Variants in TMEM117 observed in about 807,000 individuals in gnomAD.
The protein encoded by TMEM117 is transmembrane protein 117.
A neutral mutation model predicts 52.4 loss-of-function variants in TMEM117; 27 were observed. That is an observed-to-expected ratio of 0.51 (90% CI 0.38 to 0.71). The LOEUF (loss-of-function observed/expected upper bound fraction) is 0.71, where lower values mean the gene tolerates loss of function less well. Among genes scored for constraint, TMEM117 ranks in the 30% least tolerant of loss-of-function variants. The pLI, the probability that TMEM117 is intolerant of heterozygous loss-of-function variation, is 0.00. For missense variants in TMEM117, 556 were observed against 630.5 expected (o/e 0.88, Z 1.26); for synonymous variants, 215 against 206.3 (o/e 1.04, Z -0.36).
chr12:43,959,037 G>C (rs1473504963), intron 3 of TMEM117, among the ~76,000 whole-genome samples: 2 of 152,092 alleles, frequency 1.3e-5, no homozygotes, highest in Non-Finnish European at 2.9e-5. Flanking sequence ...TTGATCTCCT[G>C]ACCTCGTGAT....
At chr12:44,114,555 A>G (rs1948101778) in intron 3 of TMEM117, among the ~76,000 whole-genome samples, 1 of 152,182 alleles carries the variant, frequency 6.6e-6, no homozygotes, top group Non-Finnish European at 1.5e-5. Flanking sequence ...GGCCAAAGAA[A>G]GATTTCCACA....
chr12:44,009,238 G>A (rs1281001517), intron 3 of TMEM117: 1 of 278,562 alleles, frequency 3.6e-6, no homozygotes, highest in East Asian at 1.3e-4. Flanking sequence ...GGTCTGTTTT[G>A]ATATTTTGCA....
At chr12:44,063,708 A>G (rs1156252353) in intron 3 of TMEM117, among the ~76,000 whole-genome samples, 2 of 151,132 alleles carry the variant, frequency 1.3e-5, no homozygotes, top group Non-Finnish European at 2.9e-5. Flanking sequence ...ATGAGTGAGA[A>G]CATGCGACGT....
intron 3 of TMEM117, among the ~76,000 whole-genome samples, chr12:44,107,670 T>A (rs1947982746): frequency 6.6e-6 from 1 of 152,132 alleles, no homozygotes; most frequent in Non-Finnish European, 1.5e-5. Context: ...TTCAATGGTA[T>A]TTAATCAGCC....
At chr12:44,316,030 C>G (rs1010501868) in intron 6 of TMEM117, among the ~76,000 whole-genome samples, 1 of 152,120 alleles carries the variant, frequency 6.6e-6, no homozygotes, top group Non-Finnish European at 1.5e-5. Context: ...GTTTACCACT[C>G]TCTGTGTCTT....
At position 44,082,221 on chromosome 12, in the gene TMEM117, G is replaced by GAAATTTTT. The variant is rs1451984942; in HGVS notation, c.411-61297_411-61296insTAAATTTT. Among the ~76,000 whole-genome samples the GAAATTTTT allele has an allele frequency of 7.2e-5, 11 of 151,974 alleles. No individual in the cohort carries two copies. In the South Asian group the frequency reaches 1.7e-3, roughly 23 times the overall value. On this transcript the variant is annotated intron_variant, in intron 3 of 7. Transcript: ENST00000266534. ...TAAGCATGAAATCTATGGGCGTGTAGAAATTTTCAGTATGAGTTAGAAAGT... is the reference window on the plus strand; with the variant it reads ...TAAGCATGAAATCTATGGGCGTGTAGAAATTTTTAAATTTTCAGTATGAGTTAGAAAGT...
At chr12:43,878,634 G>C (rs768927550) in intron 2 of TMEM117, among the ~76,000 whole-genome samples, 8 of 152,092 alleles carry the variant, frequency 5.3e-5, no homozygotes, top group Non-Finnish European at 1.0e-4. Context: ...CTGTGATTTT[G>C]ATTAAAATTT....
chr12:44,261,137 TA>T (rs1950316470), intron 5 of TMEM117, among the ~76,000 whole-genome samples: 1 of 152,212 alleles, frequency 6.6e-6, no homozygotes, highest in African/African-American at 2.4e-5. Context: ...AAAAATCAAT[TA>T]AAAAATCAAT....
intron 7 of TMEM117, among the ~76,000 whole-genome samples, chr12:44,384,899 T>C (rs534231349): frequency 1.6e-4 from 25 of 152,324 alleles, no homozygotes; most frequent in African/African-American, 5.8e-4. Context: ...ACATCTCATT[T>C]TATCCTCACA....
chr12:43,960,449 A>T lies in TMEM117; in HGVS notation c.410+16107A>T, dbSNP rs1945383338. ...ATTGGTTTTGCATTACTTGGTTTTA[A>T]TAGTACAAAGGTAAAATAGCACAGC... On this transcript the variant is annotated intron_variant, in intron 3 of 7. Coordinates refer to ENST00000266534, the MANE Select transcript of TMEM117 (RefSeq NM_032256.3). Among the ~76,000 whole-genome samples the T allele has an allele frequency of 2.6e-5, 4 of 152,226 alleles. 1 individual carries two copies. In the South Asian group the frequency reaches 8.3e-4, roughly 32 times the overall value.
chr12:44,043,483 T>G (rs1946833143), intron 3 of TMEM117, among the ~76,000 whole-genome samples: 1 of 152,112 alleles, frequency 6.6e-6, no homozygotes, highest in Non-Finnish European at 1.5e-5. Flanking sequence ...TGATGAAACT[T>G]TTTTTGCCAT....
chr12:44,102,543 T>C (rs1026274770), intron 3 of TMEM117, among the ~76,000 whole-genome samples: 1 of 151,980 alleles, frequency 6.6e-6, no homozygotes, highest in African/African-American at 2.4e-5. Flanking sequence ...CCTCTCCTTT[T>C]TCTTCCATTT....
At chr12:44,142,618 T>A (rs112969024) in intron 3 of TMEM117, among the ~76,000 whole-genome samples, 3 of 152,122 alleles carry the variant, frequency 2.0e-5, no homozygotes, top group African/African-American at 7.2e-5. Flanking sequence ...ATACTCTAAA[T>A]TGTACAGGTA....
At chr12:44,126,329 CTG>C (rs1222907617) in intron 3 of TMEM117, among the ~76,000 whole-genome samples, 1 of 152,168 alleles carries the variant, frequency 6.6e-6, no homozygotes, top group East Asian at 1.9e-4. Context: ...TATCAGATAA[CTG>C]AGTATAAATG....
intron 3 of TMEM117, among the ~76,000 whole-genome samples, chr12:44,081,874 T>C (rs753647339): frequency 5.3e-5 from 8 of 152,022 alleles, no homozygotes; most frequent in Non-Finnish European, 8.8e-5. Flanking sequence ...TATACAGTAT[T>C]AGGTTTTAGA....
At chr12:44,332,623 A>G (rs1008829528) in intron 6 of TMEM117, among the ~76,000 whole-genome samples, 1 of 151,952 alleles carries the variant, frequency 6.6e-6, no homozygotes, top group Admixed American at 6.6e-5. Flanking sequence ...GGAATTTATT[A>G]TAGAATTTTC....
At chr12:44,256,638 A>T (rs1438388770) in intron 5 of TMEM117, among the ~76,000 whole-genome samples, 1 of 152,102 alleles carries the variant, frequency 6.6e-6, no homozygotes, top group Non-Finnish European at 1.5e-5. Flanking sequence ...TGCAATAGGA[A>T]TTGATATGAT....
intron 5 of TMEM117, among the ~76,000 whole-genome samples, chr12:44,260,338 C>T (rs1018831225): frequency 6.6e-6 from 1 of 152,142 alleles, no homozygotes; most frequent in African/African-American, 2.4e-5. Context: ...CTAAACCTTT[C>T]CTCATATGCT....
chr12:44,082,407 T>G (rs989972533), intron 3 of TMEM117, among the ~76,000 whole-genome samples: 1 of 152,002 alleles, frequency 6.6e-6, no homozygotes, highest in Admixed American at 6.5e-5. Flanking sequence ...TCTATAGGTT[T>G]CTGTTCTAAG....
Sources: gnomAD v4.1 joint callset for allele counts (sites outside exome capture counted in the v4.1 genomes callset) on GRCh38, gnomAD v4.1.1 for gene constraint, MANE v1.5 for transcripts, NCBI Gene and HGNC (gene_info 2026-07-23, HGNC 2026-07-21) for gene names.